Variants in SNCG observed in about 807,000 individuals in gnomAD.
The protein encoded by SNCG is gamma-synuclein.
Under a neutral mutation model 16.0 loss-of-function variants are expected in SNCG, and 13 were observed. That is an observed-to-expected ratio of 0.81 (90% CI 0.53 to 1.29). SNCG has a LOEUF of 1.29. SNCG is among the 50% of genes most tolerant of loss of function. The pLI is 0.00. For synonymous variants in SNCG, 66 were observed against 66.3 expected (o/e 1.00, Z 0.02); for missense variants, 154 against 168.5 (o/e 0.91, Z 0.48).
chr10:86,962,744 A>G, intron 4 of SNCG, 69 bp downstream of exon 4: 1 of 1,353,686 alleles, frequency 7.4e-7, no homozygotes, highest in Non-Finnish European at 1.0e-6. Context: ...CCACAGACGC[A>G]CTGCTTCCCT....
chr10:86,958,478 A>C, upstream of SNCG: 7 of 1,381,974 alleles, frequency 5.1e-6, no homozygotes, highest in Non-Finnish European at 3.8e-6. Context: ...TCCTGGAGGA[A>C]GGTGAGGCTG....
chr10:86,959,992 C>T lies in SNCG; in HGVS notation c.164-9C>T, dbSNP rs1844312568. The T allele has an allele frequency of 6.3e-7, 1 of 1,588,180 alleles. No homozygotes were observed. The highest frequency in any genetic ancestry group is 1.2e-5 in the South Asian group (1 of 86,842). ...GCTGGGGTGGAGGCCAGCCAGTGTCCTCCCATAGTGGCCGAGAAGACCAAG... is the reference window on the plus strand; with the variant it reads ...GCTGGGGTGGAGGCCAGCCAGTGTCTTCCCATAGTGGCCGAGAAGACCAAG... On this transcript the variant is annotated splice_polypyrimidine_tract_variant and intron_variant, in intron 2 of 4. Transcript: ENST00000372017. This position sits in a 1 kb window ranked among gnomAD's most constrained non-coding sequence, Gnocchi z 4.3.
Position 86,959,352 on chromosome 10 carries a change from C to G in SNCG, c.122-281C>G, listed in dbSNP as rs1232546521. 1.8e-6 allele frequency: 1 copy of G among 560,070 alleles called. No individual in the cohort carries two copies. Among genetic ancestry groups the G allele is most frequent in the Non-Finnish European group, 3.2e-6 (1 of 316,432 alleles). The allele number at this position is 560,070 out of a possible 1,614,324, so 34.7% of individuals were successfully genotyped here. ...TCCTGTCCTGTTGCTGCTTCTGAGG[C>G]CCGGCCACACCCGGGCAGGGGCTGG... is the stretch of plus-strand genomic sequence containing the variant. On this transcript the variant is annotated intron_variant, in intron 1 of 4. Transcript: ENST00000372017. This position sits in a 1 kb window ranked among gnomAD's most constrained non-coding sequence, Gnocchi z 4.3.
chr10:86,957,383 T>A (rs4244973), upstream of SNCG: 1,564,375 of 1,613,054 alleles, frequency 0.97, 758,680 homozygotes, highest in East Asian at 1. Flanking sequence ...CTTACCGTCC[T>A]ACGGGGTCCT....
At chr10:86,957,323 G>A, upstream of SNCG, 1 of 1,582,678 alleles carries the variant, frequency 6.3e-7, no homozygotes, top group Non-Finnish European at 8.7e-7. Flanking sequence ...TGCTCTAGCT[G>A]AGCTGGGACT....
At chr10:86,962,025 C>G (rs1384474695) in intron 3 of SNCG, among the ~76,000 whole-genome samples, 1 of 152,232 alleles carries the variant, frequency 6.6e-6, no homozygotes, top group Admixed American at 6.5e-5. Flanking sequence ...GACTGTGTAA[C>G]CTCTGCTGGC....
upstream of SNCG, chr10:86,957,748 C>G (rs933492027): frequency 7.3e-7 from 1 of 1,368,806 alleles, no homozygotes; most frequent in Non-Finnish European, 9.4e-7. Flanking sequence ...GCCAACCACA[C>G]AAGCCAGTTC....
In SNCG at chr10:86,959,920, G is replaced by T; in HGVS notation, c.164-81G>T. 1.3e-6 allele frequency: 2 copies of T among 1,542,874 alleles called. No individual in the cohort carries two copies. Among genetic ancestry groups the T allele is most frequent in the Non-Finnish European group, 1.8e-6 (2 of 1,142,436 alleles). On this transcript the variant is annotated intron_variant, in intron 2 of 4. Transcript: ENST00000372017. This position sits in a 1 kb window ranked among gnomAD's most constrained non-coding sequence, Gnocchi z 4.3. ...GCAGGGCCAGGGCTCTGAGCTCCTG[G>T]GAAGGGGCTGCGAGCCTGACTCCAG...
chr10:86,961,317 C>T (rs763811930), intron 3 of SNCG, among the ~76,000 whole-genome samples: 3 of 152,230 alleles, frequency 2.0e-5, no homozygotes, highest in South Asian at 2.1e-4. Context: ...TCTGGGCCTC[C>T]GTGTTCTCAT....
upstream of SNCG, chr10:86,957,452 AGAGAGGCTAGTACTG>A: frequency 6.2e-7 from 1 of 1,613,722 alleles, no homozygotes; most frequent in South Asian, 1.1e-5. Flanking sequence ...TCTGCAGATC[AGAGAGGCTAGTACTG>A]GAAGCCTGGG....
At chr10:86,962,499 C>A in intron 3 of SNCG, 105 bp from the exon 4 acceptor site, 1 of 736,902 alleles carries the variant, frequency 1.4e-6, no homozygotes, top group Non-Finnish European at 2.3e-6. Context: ...CCACGAGGGG[C>A]CTCTGCTCCT....
Position 86,959,364 on chromosome 10 carries a change from C to G in SNCG, c.122-269C>G. 2 of 565,460 alleles carry G rather than the reference C, an allele frequency of 3.5e-6. No homozygotes were observed. Among genetic ancestry groups the G allele is most frequent in the Middle Eastern group, 9.3e-4 (2 of 2,146 alleles). 35.0% of individuals were successfully genotyped at this position (565,460 alleles called of 1,614,324 possible). On this transcript the variant is annotated intron_variant, in intron 1 of 4. Coordinates refer to ENST00000372017, the MANE Select transcript of SNCG (RefSeq NM_003087.3). This position sits in a 1 kb window ranked among gnomAD's most constrained non-coding sequence, Gnocchi z 4.3. Reference sequence around the variant, plus strand: ...GCTGCTTCTGAGGCCCGGCCACACCCGGGCAGGGGCTGGACCCTGGGTCTA... The same window carrying G: ...GCTGCTTCTGAGGCCCGGCCACACCGGGGCAGGGGCTGGACCCTGGGTCTA...
intron 1 of SNCG, 139 bp downstream of exon 1, chr10:86,958,957 A>G (rs1334308041): frequency 3.4e-6 from 3 of 891,866 alleles, no homozygotes; most frequent in Non-Finnish European, 5.1e-6. Context: ...TGGGGTCTCC[A>G]GACCCTGGAG....
At position 86,963,089 on chromosome 10, in the gene SNCG, C is replaced by T. The variant is rs1479936813; in HGVS notation, c.*104C>T. On this transcript the variant is annotated 3_prime_UTR_variant, in exon 5 of 5. Transcript: ENST00000372017. Reference sequence around the variant, plus strand: ...CCGCCTTGAGTGACATGCGGCTGCCCACGCTCCTGCCCTCGTCTCCCTGGC... The same window carrying T: ...CCGCCTTGAGTGACATGCGGCTGCCTACGCTCCTGCCCTCGTCTCCCTGGC... 8.2e-7 allele frequency: 1 copy of T among 1,220,060 alleles called. No homozygotes were observed. The highest frequency in any genetic ancestry group is 1.5e-5 in the African/African-American group (1 of 66,116). 75.6% of individuals were successfully genotyped at this position (1,220,060 alleles called of 1,614,324 possible). A position where few individuals can be genotyped will look rare whatever the true frequency, so the allele number is the denominator to read the frequency against.
At chr10:86,958,497 T>TGCCGA, upstream of SNCG, 1 of 1,098,124 alleles carries the variant, frequency 9.1e-7, no homozygotes, top group Non-Finnish European at 1.2e-6. Context: ...TGAACCTCCT[T>TGCCGA]CCCTCCCTCC....
At chr10:86,958,591 G>T (rs1007616896), upstream of SNCG, 13 of 1,555,552 alleles carry the variant, frequency 8.4e-6, no homozygotes, top group South Asian at 1.2e-4. Context: ...TCAATAGGAG[G>T]CATCGGGGAC....
In SNCG at chr10:86,960,134, C is replaced by A. The variant is rs1308560976; in HGVS notation, c.291+6C>A. 2 of 1,609,710 alleles carry A rather than the reference C, an allele frequency of 1.2e-6. No homozygotes were observed. The highest frequency in any genetic ancestry group is 3.3e-5 in the Admixed American group (2 of 59,862). On this transcript the variant is annotated splice_donor_region_variant and intron_variant, in intron 3 of 4. Coordinates refer to ENST00000372017, the MANE Select transcript of SNCG (RefSeq NM_003087.3). ...CCTCCGGGGTGGTGCGCAAGGTGAG[C>A]CCCGGCCCTCAGACCTGCCCAGTCC... is the stretch of plus-strand genomic sequence containing the variant.
chr10:86,962,552 A>T (rs1310064947), intron 3 of SNCG, 52 bp from the exon 4 acceptor site: 17 of 1,372,106 alleles, frequency 1.2e-5, no homozygotes, highest in Non-Finnish European at 1.7e-5. Context: ...CAGGGCAGCT[A>T]GGGGTCTCTG....
At position 86,959,777 on chromosome 10, in the gene SNCG, T is replaced by TG. The variant is rs1168257282; in HGVS notation, c.163+107dup. 1 of 1,303,438 alleles carries TG rather than the reference T, an allele frequency of 7.7e-7. No individual in the cohort carries two copies. Among genetic ancestry groups the TG allele is most frequent in the African/African-American group, 1.5e-5 (1 of 67,464 alleles). 80.7% of individuals were successfully genotyped at this position (1,303,438 alleles called of 1,614,324 possible). ...CCTAGAGTCCTGCCTTACCCCCAAC[T>TG]GGGGTCCCAAGCCCTACAGACCCCT... is the stretch of plus-strand genomic sequence containing the variant. On this transcript the variant is annotated intron_variant, in intron 2 of 4. Transcript: ENST00000372017. This position sits in a 1 kb window ranked among gnomAD's most constrained non-coding sequence, Gnocchi z 4.3.
Sources: gnomAD v4.1 joint callset for allele counts (sites outside exome capture counted in the v4.1 genomes callset) on GRCh38, gnomAD v4.1.1 for gene constraint, Gnocchi (gnomAD v3.1) non-coding constraint, MANE v1.5 for transcripts, NCBI Gene and HGNC (gene_info 2026-07-23, HGNC 2026-07-21) for gene names.